The following GPC6 variants were observed in gnomAD, a reference collection of about 807,000 sequenced individuals.
GPC6 encodes glypican 6.
In GPC6, 14 loss-of-function variants were observed where a neutral mutation model predicts 55.2. The observed-to-expected ratio is 0.25, with a 90% CI of 0.17 to 0.40. The LOEUF (loss-of-function observed/expected upper bound fraction) is 0.40. Ranked by LOEUF, GPC6 falls within the 10% of genes least tolerant of loss-of-function variation. GPC6 has a pLI of 1.00. For missense variants in GPC6, 641 were observed against 708.5 expected, an observed-to-expected ratio of 0.90 and a Z score of 1.08; for synonymous variants, 278 against 259.6, an observed-to-expected ratio of 1.07 and a Z score of -0.68.
chr13:93,371,619 A>T (rs192395610), intron 1 of GPC6, among the ~76,000 whole-genome samples: 2 of 152,130 alleles, frequency 1.3e-5, no homozygotes, highest in South Asian at 4.1e-4. Context: ...CTGTGCTCTC[A>T]TGGAGCTTAC....
At position 93,309,796 on chromosome 13, in the gene GPC6, T is replaced by C. The variant is rs554022577; in HGVS notation, c.160+82180T>C. Among the ~76,000 whole-genome samples, 4 of 152,332 alleles carry C rather than the reference T, an allele frequency of 2.6e-5. No individual in the cohort carries two copies. In the South Asian group the frequency reaches 8.3e-4, roughly 32 times the overall value. The stretch of plus-strand genomic sequence containing the variant: ...GTAATGTTACACAGTGTAATAGTTA[T>C]TGTTTCTTGATGGTTCTTCTTTACT... On this transcript the variant is annotated intron_variant, in intron 1 of 8. Coordinates refer to ENST00000377047, the MANE Select transcript of GPC6 (RefSeq NM_005708.5).
intron 2 of GPC6, among the ~76,000 whole-genome samples, chr13:93,598,267 C>G (rs1566443192): frequency 6.6e-6 from 1 of 152,218 alleles, no homozygotes. Context: ...GATGTTAACA[C>G]ATCGAGTCCA....
At chr13:93,233,969 C>T (rs1347624382) in intron 1 of GPC6, among the ~76,000 whole-genome samples, 5 of 152,210 alleles carry the variant, frequency 3.3e-5, no homozygotes, top group Non-Finnish European at 7.3e-5. Flanking sequence ...CAAGTTTCTA[C>T]ACATCCAGTT....
intron 3 of GPC6, among the ~76,000 whole-genome samples, chr13:93,871,949 G>A (rs1055454123): frequency 6.6e-6 from 1 of 151,770 alleles, no homozygotes; most frequent in Non-Finnish European, 1.5e-5. Flanking sequence ...TTTGATTAAT[G>A]TAGTTTCTAT....
At chr13:93,581,701 C>T (rs1876943773) in intron 2 of GPC6, among the ~76,000 whole-genome samples, 1 of 152,000 alleles carries the variant, frequency 6.6e-6, no homozygotes. Context: ...GAGACCCTGT[C>T]TCAAAAGAAA....
intron 3 of GPC6, among the ~76,000 whole-genome samples, chr13:94,011,206 C>T (rs981852868): frequency 1.3e-5 from 2 of 152,004 alleles, no homozygotes; most frequent in East Asian, 3.9e-4. Context: ...AATTTAGTCA[C>T]TTCTTATATT....
intron 1 of GPC6, among the ~76,000 whole-genome samples, chr13:93,401,280 T>C (rs1408219): frequency 0.13 from 20,339 of 151,248 alleles, 1,558 homozygotes; most frequent in African/African-American, 0.19. Flanking sequence ...GTTATTCAAA[T>C]CCAGTGGGAC....
intron 4 of GPC6, among the ~76,000 whole-genome samples, chr13:94,267,500 T>G (rs541077392): frequency 1.3e-5 from 2 of 152,272 alleles, no homozygotes; most frequent in African/African-American, 4.8e-5. Context: ...CAGAATGGGT[T>G]TATTCAATAA....
At chr13:93,311,124 T>C (rs1206351473) in intron 1 of GPC6, among the ~76,000 whole-genome samples, 1 of 152,190 alleles carries the variant, frequency 6.6e-6, no homozygotes, top group East Asian at 1.9e-4. Flanking sequence ...AGTCTAGACC[T>C]CCGGCATCAG....
chr13:94,291,935 C>A (rs1415540671), intron 5 of GPC6, among the ~76,000 whole-genome samples: 1 of 152,088 alleles, frequency 6.6e-6, no homozygotes. Context: ...TGATTGGCAA[C>A]TTCTCCTTTG....
intron 4 of GPC6, among the ~76,000 whole-genome samples, chr13:94,197,196 ACT>A (rs931056860): frequency 1.3e-5 from 2 of 151,784 alleles, no homozygotes; most frequent in African/African-American, 4.8e-5. Flanking sequence ...TCTCTGAGAA[ACT>A]CTACAGTATT....
intron 3 of GPC6, among the ~76,000 whole-genome samples, chr13:94,003,152 C>G (rs572453881): frequency 9.7e-4 from 148 of 152,198 alleles, no homozygotes; most frequent in African/African-American, 3.4e-3. Context: ...CAGGTAGGAG[C>G]GTGGCGTGTG....
At chr13:93,462,431 G>A (rs1471033312) in intron 1 of GPC6, among the ~76,000 whole-genome samples, 37 of 152,248 alleles carry the variant, frequency 2.4e-4, no homozygotes, top group Non-Finnish European at 2.9e-5. Flanking sequence ...CCTGGGTATA[G>A]ATAAGACTTG....
At chr13:94,069,122 T>G (rs1884638773) in intron 4 of GPC6, among the ~76,000 whole-genome samples, 1 of 152,204 alleles carries the variant, frequency 6.6e-6, no homozygotes, top group African/African-American at 2.4e-5. Flanking sequence ...GGTGTTTCCA[T>G]ACATCTTCTG....
chr13:93,597,763 A>G (rs754283382), intron 2 of GPC6, among the ~76,000 whole-genome samples: 1 of 152,194 alleles, frequency 6.6e-6, no homozygotes, highest in Non-Finnish European at 1.5e-5. Flanking sequence ...TATAGTACAT[A>G]TAATTTTAAA....
chr13:93,874,619 A>G (rs762048629), intron 3 of GPC6, among the ~76,000 whole-genome samples: 1 of 149,906 alleles, frequency 6.7e-6, no homozygotes, highest in East Asian at 2.0e-4. Flanking sequence ...ATGGAGCCCT[A>G]CCGTAACTCT....
rs544605517 is a variant in GPC6 at position 94,068,626 on chromosome 13, G to A, written c.877+40732G>A. Among the ~76,000 whole-genome samples the A allele has an allele frequency of 1.5e-4, 23 of 152,306 alleles. No individual in the cohort carries two copies. In the South Asian group the frequency reaches 4.8e-3, roughly 32 times the overall value. On this transcript the variant is annotated intron_variant, in intron 4 of 8. Transcript: ENST00000377047. The stretch of plus-strand genomic sequence containing the variant: ...TCAAAAGCAAGTTAGTTACTTCCTA[G>A]ATACAATGGGAGTACAGGTATTGGG...
intron 1 of GPC6, among the ~76,000 whole-genome samples, chr13:93,232,784 A>G (rs1390852252): frequency 6.6e-6 from 1 of 152,168 alleles, no homozygotes; most frequent in Non-Finnish European, 1.5e-5. Flanking sequence ...ATTATTGAGT[A>G]GTTCTAACCT....
chr13:93,372,847 T>C (rs1874728966), intron 1 of GPC6, among the ~76,000 whole-genome samples: 1 of 152,160 alleles, frequency 6.6e-6, no homozygotes, highest in African/African-American at 2.4e-5. Context: ...ATAGAATGCA[T>C]ATAATGAGAA....
Sources: allele counts gnomAD v4.1 joint callset (sites outside exome capture counted in the v4.1 genomes callset), GRCh38; gene constraint gnomAD v4.1.1; transcripts MANE v1.5; gene names NCBI Gene and HGNC (gene_info 2026-07-23, HGNC 2026-07-21).